PSKH2: variants seen among roughly 807,000 people sequenced by gnomAD.
The protein encoded by PSKH2 is protein serine kinase H2.
In PSKH2, 16 loss-of-function variants were observed where a neutral mutation model predicts 22.5. The observed-to-expected ratio is 0.71, with a 90% confidence interval of 0.48 to 1.08. PSKH2 has a LOEUF of 1.08. Ranked by LOEUF, PSKH2 falls within the 50% of genes least tolerant of loss-of-function variation. The pLI, the probability that PSKH2 is intolerant of heterozygous loss-of-function variation, is 0.00. For missense variants in PSKH2, 516 were observed against 492.8 expected (o/e 1.05, Z -0.44); for synonymous variants, 188 against 184.8 (o/e 1.02, Z -0.14).
At chr8:86,053,467 C>G (rs76151540) in intron 2 of PSKH2, among the ~76,000 whole-genome samples, 1,901 of 152,196 alleles carry the variant, frequency 0.012, 41 homozygotes, top group African/African-American at 0.043. Context: ...TATAGACCCC[C>G]TATCTCCCCT....
At chr8:86,062,472 G>A (rs1417912938) in intron 2 of PSKH2, among the ~76,000 whole-genome samples, 1 of 152,154 alleles carries the variant, frequency 6.6e-6, no homozygotes, top group Admixed American at 6.5e-5. Context: ...TGTAATCCCT[G>A]TAGTCCCCGT....
At chr8:86,058,816 C>G (rs913768773) in intron 2 of PSKH2, among the ~76,000 whole-genome samples, 1 of 152,136 alleles carries the variant, frequency 6.6e-6, no homozygotes, top group African/African-American at 2.4e-5. Flanking sequence ...ACGAGTGGAG[C>G]TAGAGTATGG....
chr8:86,059,707 A>G (rs942269692), intron 2 of PSKH2, among the ~76,000 whole-genome samples: 4 of 152,250 alleles, frequency 2.6e-5, no homozygotes, highest in African/African-American at 7.2e-5. Context: ...CTTTTATCAC[A>G]TAAGGTAGCA....
At chr8:86,058,925 C>T (rs561430239) in intron 2 of PSKH2, among the ~76,000 whole-genome samples, 6 of 136,134 alleles carry the variant, frequency 4.4e-5, no homozygotes, top group Non-Finnish European at 8.4e-5. Flanking sequence ...AGTTTTCATC[C>T]AATTTATTTT....
intron 2 of PSKH2, among the ~76,000 whole-genome samples, chr8:86,057,322 G>T (rs1411003410): frequency 1.1e-5 from 1 of 90,156 alleles, no homozygotes; most frequent in Non-Finnish European, 2.4e-5. Context: ...ACAAATGCAT[G>T]CATCTGAGCT....
Position 86,048,684 on chromosome 8 carries a change from G to T in PSKH2, c.936C>A (p.Gly312=), listed in dbSNP as rs779093718. The T allele has an allele frequency of 6.2e-7, 1 of 1,614,138 alleles. No individual in the cohort carries two copies. Residue 312 remains glycine (G), a synonymous_variant, in exon 3 of 3, where the codon GGC becomes GGA. Transcript: ENST00000276616. ...ILEAGHRMSA[G]QALDHPWVIT... ...TCACCCAGGGATGGTCCAGGGCCTG[G>T]CCAGCTGACATGCGATGACCAGCCT...
At chr8:86,058,999 C>G (rs1483774) in intron 2 of PSKH2, among the ~76,000 whole-genome samples, 44,791 of 151,866 alleles carry the variant, frequency 0.29, 7,773 homozygotes, top group East Asian at 0.49. Context: ...GAGTGCAGTG[C>G]TGCAATCTTA....
At chr8:86,066,122 T>C (rs1817853616) in intron 1 of PSKH2, among the ~76,000 whole-genome samples, 1 of 152,084 alleles carries the variant, frequency 6.6e-6, no homozygotes, top group African/African-American at 2.4e-5. Flanking sequence ...CTTCTTGTTT[T>C]ACTGATGAGG....
At chr8:86,068,287 C>A (rs1343686458) in intron 1 of PSKH2, among the ~76,000 whole-genome samples, 1 of 152,148 alleles carries the variant, frequency 6.6e-6, no homozygotes, top group African/African-American at 2.4e-5. Context: ...ACCAGCAGTG[C>A]CTTGGGAAGC....
intron 2 of PSKH2, among the ~76,000 whole-genome samples, chr8:86,049,583 A>G (rs1817581678): frequency 6.9e-6 from 1 of 145,532 alleles, no homozygotes. Flanking sequence ...GAGGAGAGAG[A>G]GAGAGAGAGA....
upstream of PSKH2, chr8:86,069,835 A>C (rs1051031980): frequency 1.9e-6 from 1 of 518,266 alleles, no homozygotes; most frequent in Non-Finnish European, 3.2e-6. Flanking sequence ...GTGTAATCTG[A>C]CGTGATGAAA....
In PSKH2 at chr8:86,069,535, C is replaced by G. The variant is rs1282534734; in HGVS notation, c.88G>C (p.Gly30Arg). 1 of 1,608,798 alleles carries G rather than the reference C, an allele frequency of 6.2e-7. No homozygotes were observed. The highest frequency in any genetic ancestry group is 1.7e-5 in the Admixed American group (1 of 59,578). Residue 30 changes from glycine (G) to arginine (R), a missense_variant, in exon 1 of 3, where the codon GGA becomes CGA. Coordinates refer to ENST00000276616, the MANE Select transcript of PSKH2 (RefSeq NM_033126.3). ...KHEGQNQAGV[G>R]GAGPGPEAAA... ...GCCTCGGGCCCAGGCCCCGCGCCTC[C>G]GACGCCGGCTTGGTTTTGACCTTCG...
At chr8:86,052,852 T>C (rs1171028967) in intron 2 of PSKH2, among the ~76,000 whole-genome samples, 4 of 151,914 alleles carry the variant, frequency 2.6e-5, no homozygotes, top group African/African-American at 9.7e-5. Flanking sequence ...ATTTCAGGCC[T>C]TTTTCCCCTT....
At chr8:86,065,760 C>G (rs1817847645) in intron 1 of PSKH2, among the ~76,000 whole-genome samples, 1 of 151,966 alleles carries the variant, frequency 6.6e-6, no homozygotes, top group South Asian at 2.1e-4. Context: ...ACTGTTTGAG[C>G]CTAGGAGTTT....
At chr8:86,057,534 G>A (rs769782090) in intron 2 of PSKH2, among the ~76,000 whole-genome samples, 6 of 151,886 alleles carry the variant, frequency 4.0e-5, no homozygotes, top group Middle Eastern at 3.4e-3. Flanking sequence ...CTACAGGCAC[G>A]CGCCACCACA....
rs954339077 is a variant in PSKH2, at chr8:86,047,573, T to C, written c.*889A>G. On this transcript the variant is annotated 3_prime_UTR_variant, in exon 3 of 3. Coordinates refer to ENST00000276616, the MANE Select transcript of PSKH2 (RefSeq NM_033126.3). ...AGTGACTCACAGATATGATTAATAATATTTCAATCTTTATATCATTTTACA... is the reference window on the plus strand; with the variant it reads ...AGTGACTCACAGATATGATTAATAACATTTCAATCTTTATATCATTTTACA... Among the ~76,000 whole-genome samples, 53 of 152,286 alleles carry C rather than the reference T, an allele frequency of 3.5e-4. No homozygotes were observed. Among genetic ancestry groups the C allele is most frequent in the Middle Eastern group, 6.8e-3 (2 of 294 alleles).
intron 2 of PSKH2, among the ~76,000 whole-genome samples, chr8:86,062,254 C>T (rs761014211): frequency 2.0e-5 from 3 of 152,180 alleles, no homozygotes; most frequent in Non-Finnish European, 2.9e-5. Flanking sequence ...TATGGATGCT[C>T]AGTTATGTGT....
intron 2 of PSKH2, among the ~76,000 whole-genome samples, chr8:86,061,177 G>A (rs976742515): frequency 6.6e-6 from 1 of 152,026 alleles, no homozygotes; most frequent in African/African-American, 2.4e-5. Flanking sequence ...TGTGGCCTTG[G>A]CCTCTTTGCC....
In PSKH2 at chr8:86,062,475, G is replaced by C. The variant is rs1817793681; in HGVS notation, c.852+1490C>G. Among the ~76,000 whole-genome samples, 2 of 152,146 alleles carry C rather than the reference G, an allele frequency of 1.3e-5. 1 individual carries two copies. Among genetic ancestry groups the C allele is most frequent in the South Asian group, 4.2e-4 (2 of 4,810 alleles). On this transcript the variant is annotated intron_variant, in intron 2 of 2. Transcript: ENST00000276616. ...CTCATCTCAAATTGTAATCCCTGTA[G>C]TCCCCGTGTGTCAGGAGGGGAACGA...
Sources: allele counts gnomAD v4.1 joint callset (sites outside exome capture counted in the v4.1 genomes callset), GRCh38; gene constraint gnomAD v4.1.1; transcripts MANE v1.5; gene names NCBI Gene and HGNC (gene_info 2026-07-23, HGNC 2026-07-21).